OR5M9: variants seen among roughly 807,000 people sequenced by gnomAD.
The protein encoded by OR5M9 is olfactory receptor family 5 subfamily M member 9, also known as olfactory receptor 5M9.
For missense variants in OR5M9, 464 were observed against 383.6 expected, an observed-to-expected ratio of 1.21 and a Z score of -1.75; for synonymous variants, 174 against 145.0, an observed-to-expected ratio of 1.20 and a Z score of -1.44.
In OR5M9 at chr11:56,462,872, C is replaced by A. The variant is rs1853571621; in HGVS notation, c.530G>T (p.Cys177Phe). ...AATCTGGATGAGAGGGGGATCTGCA[C>A]AATAGAAGTGATTGATTTCAAAGTT... The part of the protein sequence containing the change: ...CGNFEINHFY[C>F]ADPPLIQIAC... Residue 177 changes from cysteine (C) to phenylalanine (F), a missense_variant, in exon 1 of 1, where the codon TGT (cysteine) becomes TTT (phenylalanine). Cys to Phe is a radical substitution (Grantham distance 205). Coordinates refer to ENST00000279791, the MANE Select transcript of OR5M9 (RefSeq NM_001004743.1). 7 of 1,613,968 alleles carry A rather than the reference C, an allele frequency of 4.3e-6. No individual in the cohort carries two copies. In the African/African-American group the frequency reaches 5.3e-5, roughly 12 times the overall value.
Position 56,463,088 on chromosome 11 carries a change from A to T in OR5M9, c.314T>A (p.Val105Asp). Reference sequence around the variant, plus strand: ...CAGGATATAGACCTCCACGTGGACAACGGCAATGAAAAAGTAGCACTGCAC... The same window carrying T: ...CAGGATATAGACCTCCACGTGGACATCGGCAATGAAAAAGTAGCACTGCAC... The part of the protein sequence containing the change: ...CLVQCYFFIA[V>D]VHVEVYILAV... The change falls in exon 1 of 1, where the codon GTT (valine) becomes GAT (aspartate). Residue 105 changes from valine to aspartate, a missense_variant. By Grantham distance (152) the Val-to-Asp change is radical. Coordinates refer to ENST00000279791, the MANE Select transcript of OR5M9 (RefSeq NM_001004743.1). 6.2e-7 allele frequency: 1 copy of T among 1,614,104 alleles called. No homozygotes were observed. Among genetic ancestry groups the T allele is most frequent in the Non-Finnish European group, 8.5e-7 (1 of 1,179,976 alleles).
rs1853564301 is a variant in OR5M9, at chr11:56,462,548, G to A, written c.854C>T (p.Pro285Leu). Reference protein sequence around the residue: ...FYTTVIPMLNPMIYSLRNKDV... With the variant: ...FYTTVIPMLNLMIYSLRNKDV... Reference sequence around the variant, plus strand: ...CTTATTTCTCAGACTGTAGATCATGGGATTCAACATAGGAATTACTGTGGT... The same window carrying A: ...CTTATTTCTCAGACTGTAGATCATGAGATTCAACATAGGAATTACTGTGGT... Residue 285 changes from proline (P) to leucine (L), a missense_variant, in exon 1 of 1, where the codon CCC becomes CTC. By Grantham distance (98) the Pro-to-Leu change is moderately conservative. Transcript: ENST00000279791. 4 of 1,613,582 alleles carry A rather than the reference G, an allele frequency of 2.5e-6. No individual in the cohort carries two copies. The highest frequency in any genetic ancestry group is 3.4e-6 in the Non-Finnish European group (4 of 1,179,612).
rs1238744080 is a variant in OR5M9, at chr11:56,463,129, G to A, written c.273C>T (p.Ser91=). 6 of 1,613,922 alleles carry A rather than the reference G, an allele frequency of 3.7e-6. No homozygotes were observed. Among genetic ancestry groups the A allele is most frequent in the East Asian group, 4.5e-5 (2 of 44,880 alleles). ...ENLLSETKTI[S]YVGCLVQCYF... Reference sequence around the variant, plus strand: ...AGCACTGCACCAAGCATCCCACATAGGAAATGGTTTTTGTCTCTGATAATA... The same window carrying A: ...AGCACTGCACCAAGCATCCCACATAAGAAATGGTTTTTGTCTCTGATAATA... The change falls in exon 1 of 1, where the codon TCC becomes TCT. Residue 91 remains serine, a synonymous_variant. Transcript: ENST00000279791.
Position 56,462,915 on chromosome 11 carries a change from C to CATAA in OR5M9, c.483_486dup (p.Gly163LeufsTer10), listed in dbSNP as rs747172060. 19 of 1,613,920 alleles carry CATAA rather than the reference C, an allele frequency of 1.2e-5. No individual in the cohort carries two copies. The highest frequency in any genetic ancestry group is 1.5e-5 in the Non-Finnish European group (18 of 1,179,986). ...TCAAAGTTTCCACAGAAGTATAAGCCATAAGTCCATAGTGTGCATATTAGG... is the reference window on the plus strand; with the variant it reads ...TCAAAGTTTCCACAGAAGTATAAGCCATAAATAAGTCCATAGTGTGCATATTAGG... On this transcript the variant is annotated frameshift_variant, in exon 1 of 1. Transcript: ENST00000279791. LOFTEE classifies it low-confidence loss of function (END_TRUNC).
At position 56,462,827 on chromosome 11, in the gene OR5M9, A is replaced by T; in HGVS notation, c.575T>A (p.Ile192Asn). The T allele has an allele frequency of 1.2e-6, 2 of 1,613,894 alleles. No homozygotes were observed. The highest frequency in any genetic ancestry group is 1.7e-6 in the Non-Finnish European group (2 of 1,179,890). Reference sequence around the variant, plus strand: ...AATAACAATCATTGTGATTTCTTTGATGTGCACTCTCCCACAGGCAATCTG... The same window carrying T: ...AATAACAATCATTGTGATTTCTTTGTTGTGCACTCTCCCACAGGCAATCTG... ...LIQIACGRVHIKEITMIVIAG... is the reference protein window; with the variant it reads ...LIQIACGRVHNKEITMIVIAG... The change falls in exon 1 of 1, where the codon ATC becomes AAC. Residue 192 changes from isoleucine to asparagine, a missense_variant. By Grantham distance (149) the Ile-to-Asn change is moderately radical. Transcript: ENST00000279791.
At position 56,462,829 on chromosome 11, in the gene OR5M9, G is replaced by C. The variant is rs1853570170; in HGVS notation, c.573C>G (p.His191Gln). 3.7e-6 allele frequency: 6 copies of C among 1,613,714 alleles called. No individual in the cohort carries two copies. Residue 191 changes from histidine to glutamine, a missense_variant, in exon 1 of 1, where the codon CAC becomes CAG. Coordinates refer to ENST00000279791, the MANE Select transcript of OR5M9 (RefSeq NM_001004743.1). ...PLIQIACGRV[H>Q]IKEITMIVIA... ...TAACAATCATTGTGATTTCTTTGATGTGCACTCTCCCACAGGCAATCTGGA... is the reference window on the plus strand; with the variant it reads ...TAACAATCATTGTGATTTCTTTGATCTGCACTCTCCCACAGGCAATCTGGA...
At position 56,462,737 on chromosome 11, in the gene OR5M9, G is replaced by A. The variant is rs573766881; in HGVS notation, c.665C>T (p.Ala222Val). ...VLISYTLIVV[A>V]VLRMRSADGR... ...ATCGGCAGAGCGCATGCGTAGCACAGCTACTACAATGAGAGTGTAGGAGAT... is the reference window on the plus strand; with the variant it reads ...ATCGGCAGAGCGCATGCGTAGCACAACTACTACAATGAGAGTGTAGGAGAT... The change falls in exon 1 of 1, where the codon GCT becomes GTT. Residue 222 changes from alanine to valine, a missense_variant. By Grantham distance (64) the Ala-to-Val change is moderately conservative. Transcript: ENST00000279791. 6.2e-7 allele frequency: 1 copy of A among 1,613,176 alleles called. No individual in the cohort carries two copies. The highest frequency in any genetic ancestry group is 8.5e-7 in the Non-Finnish European group (1 of 1,179,690).
In OR5M9 at chr11:56,462,743, A is replaced by G. The variant is rs1386795821; in HGVS notation, c.659T>C (p.Val220Ala). 3.7e-6 allele frequency: 6 copies of G among 1,613,118 alleles called. No homozygotes were observed. The African/African-American group carries it at 6.7e-5, about 18-fold the overall frequency. The change falls in exon 1 of 1, where the codon GTA (valine) becomes GCA (alanine). Residue 220 changes from valine to alanine, a missense_variant. Coordinates refer to ENST00000279791, the MANE Select transcript of OR5M9 (RefSeq NM_001004743.1). Reference sequence around the variant, plus strand: ...AGAGCGCATGCGTAGCACAGCTACTACAATGAGAGTGTAGGAGATGAGGAC... The same window carrying G: ...AGAGCGCATGCGTAGCACAGCTACTGCAATGAGAGTGTAGGAGATGAGGAC... ...SVVLISYTLIVVAVLRMRSAD... is the reference protein window; with the variant it reads ...SVVLISYTLIAVAVLRMRSAD...
At position 56,462,607 on chromosome 11, in the gene OR5M9, G is replaced by C; in HGVS notation, c.795C>G (p.Ser265=). ...FMYLRRPTEE[S]VEQGKMVAVF... is the part of the protein sequence containing the mutation. ...CAGCCACCATTTTGCCCTGCTCTAC[G>C]GATTCCTCAGTGGGTCTCCTGAGAT... Residue 265 remains serine (S), a synonymous_variant, in exon 1 of 1, where the codon TCC becomes TCG. Transcript: ENST00000279791. 6.2e-7 allele frequency: 1 copy of C among 1,613,844 alleles called. No homozygotes were observed. The highest frequency in any genetic ancestry group is 8.5e-7 in the Non-Finnish European group (1 of 1,179,896).
Position 56,462,549 on chromosome 11 carries a change from G to C in OR5M9, c.853C>G (p.Pro285Ala). 4 of 1,613,560 alleles carry C rather than the reference G, an allele frequency of 2.5e-6. No individual in the cohort carries two copies. The highest frequency in any genetic ancestry group is 2.5e-6 in the Non-Finnish European group (3 of 1,179,580). Residue 285 changes from proline to alanine, a missense_variant, in exon 1 of 1, where the codon CCC becomes GCC. Coordinates refer to ENST00000279791, the MANE Select transcript of OR5M9 (RefSeq NM_001004743.1). ...TTATTTCTCAGACTGTAGATCATGGGATTCAACATAGGAATTACTGTGGTG... is the reference window on the plus strand; with the variant it reads ...TTATTTCTCAGACTGTAGATCATGGCATTCAACATAGGAATTACTGTGGTG... ...FYTTVIPMLNPMIYSLRNKDV... is the reference protein window; with the variant it reads ...FYTTVIPMLNAMIYSLRNKDV...
In OR5M9 at chr11:56,462,489, T is replaced by C. The variant is rs186394144; in HGVS notation, c.913A>G (p.Lys305Glu). ...CAGTTTTACTGCCTCACATATGTCTTGGTGATTGCTTTGTTGACTGCTTCT... is the reference window on the plus strand; with the variant it reads ...CAGTTTTACTGCCTCACATATGTCTCGGTGATTGCTTTGTTGACTGCTTCT... ...VKEAVNKAIT[K>E]TYVRQ Residue 305 changes from lysine (K) to glutamate (E), a missense_variant, in exon 1 of 1, where the codon AAG becomes GAG. By Grantham distance (56) the Lys-to-Glu change is moderately conservative. Transcript: ENST00000279791. 1.9e-6 allele frequency: 3 copies of C among 1,610,552 alleles called. No homozygotes were observed. The Admixed American group carries it at 5.0e-5, about 27-fold the overall frequency.
chr11:56,463,332 G>C lies in OR5M9; in HGVS notation c.70C>G (p.Leu24Val). Residue 24 changes from leucine (L) to valine (V), a missense_variant, in exon 1 of 1, where the codon CTC (leucine) becomes GTC (valine). By Grantham distance (32) the Leu-to-Val change is conservative (BLOSUM62 1). Transcript: ENST00000279791. ...GLTCRQELQV[L>V]FFVVFLAVYM... Reference sequence around the variant, plus strand: ...ACCGCTAGGAACACCACAAAAAAGAGAACCTGTAGCTCCTGACGACAGGTC... The same window carrying C: ...ACCGCTAGGAACACCACAAAAAAGACAACCTGTAGCTCCTGACGACAGGTC... 6.2e-7 allele frequency: 1 copy of C among 1,613,798 alleles called. No homozygotes were observed. Among genetic ancestry groups the C allele is most frequent in the East Asian group, 2.2e-5 (1 of 44,840 alleles).
chr11:56,463,349 C>T lies in OR5M9; in HGVS notation c.53G>A (p.Arg18His), dbSNP rs377523071. ...TEFTLLGLTC[R>H]QELQVLFFVV... is the part of the protein sequence containing the mutation. ...AAAAAAGAGAACCTGTAGCTCCTGA[C>T]GACAGGTCAGCCCCAGGAGAGTAAA... is the stretch of plus-strand genomic sequence containing the variant. Residue 18 changes from arginine to histidine, a missense_variant, in exon 1 of 1, where the codon CGT (arginine) becomes CAT (histidine). Physicochemically the swap from Arg to His is conservative, Grantham distance 29. Coordinates refer to ENST00000279791, the MANE Select transcript of OR5M9 (RefSeq NM_001004743.1). The T allele has an allele frequency of 1.5e-5, 24 of 1,613,416 alleles. No individual in the cohort carries two copies. Among genetic ancestry groups the T allele is most frequent in the East Asian group, 4.5e-5 (2 of 44,842 alleles).
chr11:56,463,155 A>C lies in OR5M9; in HGVS notation c.247T>G (p.Leu83Val), dbSNP rs1590899822. The C allele has an allele frequency of 6.2e-7, 1 of 1,613,910 alleles. No homozygotes were observed. The highest frequency in any genetic ancestry group is 1.3e-5 in the African/African-American group (1 of 74,908). Residue 83 changes from leucine (L) to valine (V), a missense_variant, in exon 1 of 1, where the codon TTA (leucine) becomes GTA (valine). Leu to Val is a conservative substitution (Grantham distance 32). Transcript: ENST00000279791. ...SNVTPKMLEN[L>V]LSETKTISYV... ...GAAATGGTTTTTGTCTCTGATAATA[A>C]GTTTTCCAGCATTTTGGGGGTAACG... is the stretch of plus-strand genomic sequence containing the variant.
At position 56,462,771 on chromosome 11, in the gene OR5M9, C is replaced by A; in HGVS notation, c.631G>T (p.Val211Leu). 1 of 1,612,976 alleles carries A rather than the reference C, an allele frequency of 6.2e-7. No homozygotes were observed. The highest frequency in any genetic ancestry group is 8.5e-7 in the Non-Finnish European group (1 of 1,179,682). Residue 211 changes from valine to leucine, a missense_variant, in exon 1 of 1, where the codon GTG becomes TTG. Transcript: ENST00000279791. ...AGINFTYSLS[V>L]VLISYTLIVV... ...ATGAGAGTGTAGGAGATGAGGACCA[C>A]CGAGAGGGAATATGTGAAGTTAATT...
Position 56,463,299 on chromosome 11 carries a change from TC to T in OR5M9, c.102del (p.Met34IlefsTer10), listed in dbSNP as rs1355862423. ...ATACCAATATTTCCCAACAGAGTGATCATGTAAACCGCTAGGAACACCACAA... is the reference window on the plus strand; with the variant it reads ...ATACCAATATTTCCCAACAGAGTGATATGTAAACCGCTAGGAACACCACAA... ...LFFVVFLAVYMITLLGNIGMI... is the reference protein window; with the variant it reads ...LFFVVFLAVYXITLLGNIGMI... On this transcript the variant is annotated frameshift_variant, in exon 1 of 1. Coordinates refer to ENST00000279791, the MANE Select transcript of OR5M9 (RefSeq NM_001004743.1). LOFTEE classifies it low-confidence loss of function (END_TRUNC). 1 of 1,613,506 alleles carries T rather than the reference TC, an allele frequency of 6.2e-7. No individual in the cohort carries two copies. Among genetic ancestry groups the T allele is most frequent in the East Asian group, 2.2e-5 (1 of 44,840 alleles).
At position 56,463,191 on chromosome 11, in the gene OR5M9, A is replaced by C; in HGVS notation, c.211T>G (p.Phe71Val). The change falls in exon 1 of 1, where the codon TTC becomes GTC. Residue 71 changes from phenylalanine (F) to valine (V), a missense_variant. By Grantham distance (50) the Phe-to-Val change is conservative. Transcript: ENST00000279791. ...ATTTTGGGGGTAACGTTGGAGGAGA[A>C]GCACACGTCCGCAAAAGACAGATGA... Reference protein sequence around the residue: ...LSHLSFADVCFSSNVTPKMLE... With the variant: ...LSHLSFADVCVSSNVTPKMLE... The C allele has an allele frequency of 6.2e-7, 1 of 1,613,964 alleles. No individual in the cohort carries two copies. Among genetic ancestry groups the C allele is most frequent in the Non-Finnish European group, 8.5e-7 (1 of 1,179,922 alleles).
chr11:56,462,670 C>A lies in OR5M9; in HGVS notation c.732G>T (p.Thr244=). 1.2e-6 allele frequency: 2 copies of A among 1,613,546 alleles called. No homozygotes were observed. Among genetic ancestry groups the A allele is most frequent in the Non-Finnish European group, 1.7e-6 (2 of 1,179,818 alleles). ...KAFSTCGSHL[T]AVSMFYGTPI... is the part of the protein sequence containing the mutation. ...GGGTCCCATAAAACATAGAAACAGCCGTCAAGTGGGACCCACAGGTGGAGA... is the reference window on the plus strand; with the variant it reads ...GGGTCCCATAAAACATAGAAACAGCAGTCAAGTGGGACCCACAGGTGGAGA... Residue 244 remains threonine (T), a synonymous_variant, in exon 1 of 1, where the codon ACG becomes ACT. Transcript: ENST00000279791.
Position 56,463,385 on chromosome 11 carries a change from T to G in OR5M9, c.17A>C (p.Asp6Ala). The change falls in exon 1 of 1, where the codon GAT (aspartate) becomes GCT (alanine). Residue 6 changes from aspartate (D) to alanine (A), a missense_variant. Asp to Ala is a moderately radical substitution (Grantham distance 126, BLOSUM62 -2). Transcript: ENST00000279791. MPNFTDVTEFTLLGLT... is the reference protein window; with the variant it reads MPNFTAVTEFTLLGLT... Reference sequence around the variant, plus strand: ...CCCCAGGAGAGTAAATTCTGTCACATCCGTGAAATTAGGCATTGCCTTAGT... The same window carrying G: ...CCCCAGGAGAGTAAATTCTGTCACAGCCGTGAAATTAGGCATTGCCTTAGT... 1 of 1,606,646 alleles carries G rather than the reference T, an allele frequency of 6.2e-7. No individual in the cohort carries two copies. Among genetic ancestry groups the G allele is most frequent in the Non-Finnish European group, 8.5e-7 (1 of 1,176,892 alleles).
Sources: allele counts gnomAD v4.1 joint callset, GRCh38; gene constraint gnomAD v4.1.1; transcripts MANE v1.5; gene names NCBI Gene and HGNC (gene_info 2026-07-23, HGNC 2026-07-21).